Variants in CTNNA2 observed in about 807,000 individuals in gnomAD.
CTNNA2 encodes the protein catenin alpha 2, also known as catenin alpha-2.
CTNNA2 carries 42 observed loss-of-function variants against 101.0 expected under a neutral mutation model. That is an observed-to-expected ratio of 0.42 (90% confidence interval 0.32 to 0.54). CTNNA2 has a LOEUF of 0.54. CTNNA2 is among the 20% of genes least tolerant of loss of function. The pLI, the probability that CTNNA2 is intolerant of heterozygous loss-of-function variation, is 0.14. For missense variants in CTNNA2, 871 were observed against 1,223.1 expected (o/e 0.71, Z 4.29); for synonymous variants, 450 against 456.4 (o/e 0.99, Z 0.18).
In CTNNA2 at chr2:79,865,812, C is replaced by T. The variant is rs553661914; in HGVS notation, c.466-4004C>T. Among the ~76,000 whole-genome samples, 103 of 152,322 alleles carry T rather than the reference C, an allele frequency of 6.8e-4. 1 individual carries two copies. The highest frequency in any genetic ancestry group is 2.4e-3 in the African/African-American group (98 of 41,582). On this transcript the variant is annotated intron_variant, in intron 4 of 18. Transcript: ENST00000402739. ...TCGGCTCACTGCAAGCTCCGCCTCC[C>T]GGGTTCATGCCATTCTGGTGCCTCA...
intron 7 of CTNNA2, among the ~76,000 whole-genome samples, chr2:80,029,893 G>A (rs981986565): frequency 4.6e-5 from 7 of 152,036 alleles, no homozygotes; most frequent in African/African-American, 1.7e-4. Flanking sequence ...CAGACACAAA[G>A]TTGAGCAGGC....
intron 1 of CTNNA2, among the ~76,000 whole-genome samples, chr2:79,567,901 A>G (rs866925695): frequency 1.1e-4 from 16 of 152,182 alleles, no homozygotes; most frequent in African/African-American, 2.4e-4. Context: ...TGGTACCTGA[A>G]GACAAATTAC....
chr2:79,305,295 TATATATATACATATATATACAC>T (rs1324141636), intron 2 of CTNNA2, among the ~76,000 whole-genome samples: 6 of 149,512 alleles, frequency 4.0e-5, no homozygotes, highest in Admixed American at 6.7e-5. Context: ...CGTGTGTGTG[TATATATATACATATATATACAC>T]ATATATATAC....
chr2:79,381,834 T>C (rs6733044), intron 4 of CTNNA2, among the ~76,000 whole-genome samples: 3,001 of 152,306 alleles, frequency 0.02, 101 homozygotes, highest in African/African-American at 0.07. Context: ...AGTTGTCTCA[T>C]TATGAAAGTC....
intron 10 of CTNNA2, 119 bp from the exon 11 acceptor site, chr2:80,545,788 C>T: frequency 1.1e-6 from 1 of 927,630 alleles, no homozygotes. Flanking sequence ...TTCTGAACAC[C>T]AAGAACCCAC....
chr2:80,497,051 C>A (rs1026189861), intron 9 of CTNNA2, among the ~76,000 whole-genome samples: 1 of 152,236 alleles, frequency 6.6e-6, no homozygotes, highest in East Asian at 1.9e-4. Context: ...GAAGGAGGAG[C>A]ATTTGCATTT....
intron 9 of CTNNA2, among the ~76,000 whole-genome samples, chr2:80,496,395 C>CTTTTTT (rs34221173): frequency 2.3e-5 from 3 of 131,734 alleles, no homozygotes; most frequent in Non-Finnish European, 3.3e-5. Flanking sequence ...TCTTCACTGT[C>CTTTTTT]TTTTTTTTTT....
chr2:79,894,145 T>C (rs895476655), intron 6 of CTNNA2, among the ~76,000 whole-genome samples: 2 of 151,772 alleles, frequency 1.3e-5, no homozygotes, highest in East Asian at 3.9e-4. Flanking sequence ...TTTGGTAATA[T>C]AGCCATTGAA....
chr2:79,902,237 A>G (rs544964662), intron 6 of CTNNA2, among the ~76,000 whole-genome samples: 14 of 152,142 alleles, frequency 9.2e-5, no homozygotes, highest in Non-Finnish European at 2.1e-4. Flanking sequence ...TGAGGTAAAC[A>G]ATTAGTGCAG....
intron 3 of CTNNA2, among the ~76,000 whole-genome samples, chr2:79,328,987 G>A (rs1052080250): frequency 6.6e-6 from 1 of 152,078 alleles, no homozygotes; most frequent in African/African-American, 2.4e-5. Context: ...TTCCCTCTGG[G>A]TGTCTGTGTC....
intron 2 of CTNNA2, among the ~76,000 whole-genome samples, chr2:79,285,985 AT>A (rs1426459709): frequency 1.3e-5 from 2 of 148,736 alleles, no homozygotes; most frequent in Non-Finnish European, 1.5e-5. Context: ...TTCTTGTTGA[AT>A]TCATCCCTTT....
chr2:80,027,796 T>A (rs921771429), intron 7 of CTNNA2, among the ~76,000 whole-genome samples: 1 of 151,646 alleles, frequency 6.6e-6, no homozygotes, highest in Non-Finnish European at 1.5e-5. Context: ...AGCAAGACCC[T>A]GTTTCTACAA....
intron 2 of CTNNA2, among the ~76,000 whole-genome samples, chr2:79,241,792 A>G (rs970392579): frequency 1.3e-5 from 2 of 152,236 alleles, no homozygotes; most frequent in East Asian, 3.8e-4. Context: ...AGATTTTTAC[A>G]TAGGGTGGAG....
At chr2:79,359,985 T>C (rs1235807209) in intron 3 of CTNNA2, among the ~76,000 whole-genome samples, 1 of 152,184 alleles carries the variant, frequency 6.6e-6, no homozygotes, top group African/African-American at 2.4e-5. Flanking sequence ...GGCTTGTAAT[T>C]TAGAATTTAT....
intron 3 of CTNNA2, among the ~76,000 whole-genome samples, chr2:79,764,262 G>A (rs1387430340): frequency 1.3e-5 from 2 of 152,098 alleles, no homozygotes; most frequent in African/African-American, 4.8e-5. Context: ...ATTAAAGAAT[G>A]TTCTCTTCCA....
At chr2:79,407,572 C>A (rs1401979576) in intron 4 of CTNNA2, among the ~76,000 whole-genome samples, 1 of 151,940 alleles carries the variant, frequency 6.6e-6, no homozygotes, top group African/African-American at 2.4e-5. Flanking sequence ...CATGCTCTTA[C>A]CCTCTCCATA....
chr2:79,930,637 A>G (rs1044454450), intron 7 of CTNNA2, among the ~76,000 whole-genome samples: 1 of 152,188 alleles, frequency 6.6e-6, no homozygotes, highest in Admixed American at 6.5e-5. Context: ...ATTAATGATA[A>G]TGATTCTGGG....
At chr2:80,647,172 C>G (rs1053876756) in intron 18 of CTNNA2, among the ~76,000 whole-genome samples, 1 of 152,060 alleles carries the variant, frequency 6.6e-6, no homozygotes, top group Non-Finnish European at 1.5e-5. Context: ...ATGACTGTAT[C>G]CTCACCAACC....
chr2:80,529,839 G>T (rs1690374768), intron 9 of CTNNA2, among the ~76,000 whole-genome samples: 1 of 152,096 alleles, frequency 6.6e-6, no homozygotes, highest in Admixed American at 6.6e-5. Flanking sequence ...CAGCGAGGGG[G>T]GTAAAAATGA....
Sources: gnomAD v4.1 joint callset for allele counts (sites outside exome capture counted in the v4.1 genomes callset) on GRCh38, gnomAD v4.1.1 for gene constraint, MANE v1.5 for transcripts, NCBI Gene and HGNC (gene_info 2026-07-23, HGNC 2026-07-21) for gene names.